ZNF782: variants seen among roughly 807,000 people sequenced by gnomAD.
The protein encoded by ZNF782 is zinc finger protein 782.
Under a neutral mutation model 13.0 loss-of-function variants are expected in ZNF782, and 12 were observed. That is an observed-to-expected ratio of 0.92 (90% CI 0.59 to 1.50). ZNF782 has a LOEUF of 1.50. ZNF782 is among the 40% of genes most tolerant of loss of function. The probability of loss-of-function intolerance (pLI) is 0.00; values close to 1 mark genes in which losing one functional copy is unlikely to be tolerated. For synonymous variants in ZNF782, 284 were observed against 283.0 expected (o/e 1.00, Z -0.04); for missense variants, 770 against 822.9 (o/e 0.94, Z 0.79).
chr9:96,859,471 C>G (rs1268062923), upstream of ZNF782, among the ~76,000 whole-genome samples: 1 of 152,142 alleles, frequency 6.6e-6, no homozygotes, highest in Non-Finnish European at 1.5e-5. Flanking sequence ...TGAGACCCCC[C>G]TTTCAGGTCT....
At chr9:96,841,238 A>G (rs965952352) in intron 4 of ZNF782, among the ~76,000 whole-genome samples, 1 of 151,970 alleles carries the variant, frequency 6.6e-6, no homozygotes, top group African/African-American at 2.4e-5. Flanking sequence ...TATGACTTAA[A>G]TAAATTGATT....
chr9:96,899,222 G>A, the ZNF782 span, among the ~76,000 whole-genome samples: 1 of 151,418 alleles, frequency 6.6e-6, no homozygotes, highest in East Asian at 2.0e-4. Context: ...CTGCACTCAA[G>A]CCTAGGTGAC....
upstream of ZNF782, among the ~76,000 whole-genome samples, chr9:96,876,468 A>G (rs745980169): frequency 6.6e-6 from 1 of 152,202 alleles, no homozygotes; most frequent in Non-Finnish European, 1.5e-5. Flanking sequence ...ACAAAGGAAG[A>G]AAGAAAGAAA....
chr9:96,925,832 A>C, the ZNF782 span, among the ~76,000 whole-genome samples: 1 of 149,160 alleles, frequency 6.7e-6, no homozygotes, highest in Non-Finnish European at 1.5e-5. Context: ...TCTGCCAGAC[A>C]CAGCATGGAG....
chr9:96,885,423 T>C, the ZNF782 span, among the ~76,000 whole-genome samples: 43 of 152,032 alleles, frequency 2.8e-4, no homozygotes, highest in African/African-American at 1.0e-3. Context: ...TGAAGACAGA[T>C]CAATAAAATT....
the ZNF782 span, among the ~76,000 whole-genome samples, chr9:96,883,847 TTC>T: frequency 6.6e-6 from 1 of 152,100 alleles, no homozygotes; most frequent in South Asian, 2.1e-4. Context: ...GGGTGATGAG[TTC>T]TCTGTTTCCT....
the ZNF782 span, among the ~76,000 whole-genome samples, chr9:96,903,472 G>T: frequency 6.7e-5 from 10 of 149,626 alleles, no homozygotes; most frequent in East Asian, 2.0e-4. Flanking sequence ...TCCAGTTTGG[G>T]GGTATTACAA....
At chr9:96,819,856 G>GT in intron 5 of ZNF782, 78 bp from the exon 6 acceptor site, 7 of 1,141,634 alleles carry the variant, frequency 6.1e-6, no homozygotes, top group Non-Finnish European at 7.0e-6. Context: ...GTATATATAT[G>GT]CCCTATTATG....
At chr9:96,826,910 T>C (rs929385048) in intron 5 of ZNF782, among the ~76,000 whole-genome samples, 170 bp downstream of exon 5, 4 of 152,238 alleles carry the variant, frequency 2.6e-5, no homozygotes, top group Admixed American at 1.3e-4. Flanking sequence ...TCTCAGAAGC[T>C]TGTAGCTTGT....
chr9:96,828,621 G>A (rs968151889), intron 4 of ZNF782, among the ~76,000 whole-genome samples: 1 of 152,142 alleles, frequency 6.6e-6, no homozygotes, highest in Non-Finnish European at 1.5e-5. Context: ...CCTGAAGCTG[G>A]GAGTTCAAGA....
chr9:96,820,313 C>T (rs1850368495), intron 5 of ZNF782, among the ~76,000 whole-genome samples: 1 of 152,154 alleles, frequency 6.6e-6, no homozygotes. Flanking sequence ...TTCCATTCTA[C>T]ACATCACAAA....
upstream of ZNF782, among the ~76,000 whole-genome samples, chr9:96,880,398 T>C (rs1049002975): frequency 6.6e-6 from 1 of 152,156 alleles, no homozygotes; most frequent in South Asian, 2.1e-4. Context: ...AGCCATCAAG[T>C]GTGATGCTAG....
At chr9:96,873,800 G>A (rs1170602968) in intron 1 of ZNF782, among the ~76,000 whole-genome samples, 1 of 152,194 alleles carries the variant, frequency 6.6e-6, no homozygotes, top group Non-Finnish European at 1.5e-5. Context: ...TTGATACATG[G>A]AAAATTGGGT....
At chr9:96,914,646 A>AC in the ZNF782 span, among the ~76,000 whole-genome samples, 1 of 136,240 alleles carries the variant, frequency 7.3e-6, no homozygotes, top group Non-Finnish European at 1.6e-5. Context: ...TGCTCAGCAT[A>AC]CCAATATTTC....
At chr9:96,903,826 T>A in the ZNF782 span, among the ~76,000 whole-genome samples, 3,047 of 151,930 alleles carry the variant, frequency 0.02, 172 homozygotes, top group East Asian at 0.23. Context: ...CCTCCCAAAG[T>A]GCTGGGATTA....
chr9:96,925,201 A>G, the ZNF782 span, among the ~76,000 whole-genome samples: 4 of 151,986 alleles, frequency 2.6e-5, no homozygotes, highest in Non-Finnish European at 1.5e-5. Context: ...CGAGGCTCCT[A>G]CACAGGCGCG....
At chr9:96,928,268 T>C in the ZNF782 span, 1 of 195,306 alleles carries the variant, frequency 5.1e-6, no homozygotes, top group Non-Finnish European at 1.1e-5. Flanking sequence ...ATTTCTGGTC[T>C]CGGTGCTGTA....
In ZNF782 at chr9:96,850,951, G is replaced by A. The variant is rs1232970738; in HGVS notation, c.15+996C>T. Among the ~76,000 whole-genome samples the A allele has an allele frequency of 1.3e-5, 2 of 152,140 alleles. No homozygotes were observed. The highest frequency in any genetic ancestry group is 2.4e-5 in the African/African-American group (1 of 41,452). ...TCTAAGTAAAGTGCTAAGTAAGTAG[G>A]CAAGTTGCATCTTCAGTGTTAAAGT... is the stretch of plus-strand genomic sequence containing the variant. On this transcript the variant is annotated intron_variant, in intron 3 of 5. Coordinates refer to ENST00000481138, the MANE Select transcript of ZNF782 (RefSeq NM_001001662.3). This position sits in a 1 kb window ranked among gnomAD's most constrained non-coding sequence, Gnocchi z 4.3.
At chr9:96,886,276 G>A in the ZNF782 span, among the ~76,000 whole-genome samples, 1 of 149,580 alleles carries the variant, frequency 6.7e-6, no homozygotes. Context: ...TTAAGAATGA[G>A]GCCAGACACA....
Sources: allele counts gnomAD v4.1 joint callset (sites outside exome capture counted in the v4.1 genomes callset), GRCh38; gene constraint gnomAD v4.1.1; non-coding constraint Gnocchi (gnomAD v3.1); transcripts MANE v1.5; gene names NCBI Gene and HGNC (gene_info 2026-07-23, HGNC 2026-07-21).